WDR59: variants seen among roughly 807,000 people sequenced by gnomAD.
WDR59 encodes GATOR2 complex protein WDR59.
A neutral mutation model predicts 131.2 loss-of-function variants in WDR59; 100 were observed. The ratio of observed to expected loss-of-function variants is 0.76; its 90% CI spans 0.65 to 0.90. The LOEUF (loss-of-function observed/expected upper bound fraction) is 0.90. WDR59 is among the 40% of genes least tolerant of loss of function. The pLI is 0.00. For synonymous variants in WDR59, 601 were observed against 466.2 expected, an observed-to-expected ratio of 1.29 and a Z score of -3.72; for missense variants, 1,203 against 1,262.2, an observed-to-expected ratio of 0.95 and a Z score of 0.71.
In WDR59 at chr16:74,875,380, G is replaced by A. The variant is rs531683063; in HGVS notation, c.2690-936C>T. On this transcript the variant is annotated intron_variant, in intron 25 of 25. Transcript: ENST00000262144. ...CAGTGGGTGGGGACTGTGTCCCATC[G>A]CTGCCTCCAGACTGACCTTTCTGCT... Among the ~76,000 whole-genome samples, 78 of 152,072 alleles carry A rather than the reference G, an allele frequency of 5.1e-4. 1 individual carries two copies. The South Asian group carries it at 5.8e-3, about 11-fold the overall frequency.
rs529911974 is a variant in WDR59, at chr16:74,943,530, G to C, written c.446-704C>G. Among the ~76,000 whole-genome samples, 9 of 152,290 alleles carry C rather than the reference G, an allele frequency of 5.9e-5. No homozygotes were observed. In the South Asian group the frequency reaches 1.9e-3, roughly 32 times the overall value. ...CTACTTAAGACAGGAGGCATAATGT[G>C]AGATGCCAGAAAGAGCTGAGACATG... On this transcript the variant is annotated intron_variant, in intron 6 of 25. Coordinates refer to ENST00000262144, the MANE Select transcript of WDR59 (RefSeq NM_030581.4).
chr16:74,983,365 C>A (rs1181332375), intron 1 of WDR59, among the ~76,000 whole-genome samples: 1 of 151,798 alleles, frequency 6.6e-6, no homozygotes, highest in Non-Finnish European at 1.5e-5. Flanking sequence ...CCCAGCTACT[C>A]GGGAGGCTGA....
intron 8 of WDR59, 30 bp from the exon 9 acceptor site, chr16:74,924,033 A>T (rs367986209): frequency 1.2e-6 from 2 of 1,602,538 alleles, no homozygotes; most frequent in African/African-American, 2.7e-5. Context: ...ATCATTTGTG[A>T]AATAAATGCC....
chr16:74,913,714 A>G (rs1372061906), intron 13 of WDR59, among the ~76,000 whole-genome samples: 3 of 152,210 alleles, frequency 2.0e-5, no homozygotes, highest in South Asian at 2.1e-4. Flanking sequence ...CTCAACTTAA[A>G]AAGTGCTCCT....
intron 2 of WDR59, among the ~76,000 whole-genome samples, chr16:74,957,394 C>A (rs115008842): frequency 0.016 from 2,487 of 152,122 alleles, 54 homozygotes; most frequent in African/African-American, 0.057. Context: ...TTGAATATCT[C>A]TGTATGCTTC....
chr16:74,956,718 A>C, intron 2 of WDR59, 108 bp from the exon 3 acceptor site: 1 of 1,371,244 alleles, frequency 7.3e-7, no homozygotes, highest in Non-Finnish European at 1.0e-6. Context: ...GTGCTCCAAA[A>C]AACCCAAACA....
chr16:74,920,210 C>T (rs995328739), intron 10 of WDR59, among the ~76,000 whole-genome samples: 2 of 152,100 alleles, frequency 1.3e-5, no homozygotes, highest in Admixed American at 6.5e-5. Context: ...TTTATGATGG[C>T]GTGAAACTGT....
At chr16:74,888,664 T>C (rs572360174) in intron 21 of WDR59, among the ~76,000 whole-genome samples, 8 of 152,212 alleles carry the variant, frequency 5.3e-5, no homozygotes, top group Non-Finnish European at 8.8e-5. Flanking sequence ...ATACATGCTC[T>C]GTCTTCCCAG....
At chr16:74,927,292 G>A (rs1364525663) in intron 8 of WDR59, among the ~76,000 whole-genome samples, 5 of 152,164 alleles carry the variant, frequency 3.3e-5, no homozygotes, top group South Asian at 2.1e-4. Context: ...GAAAACTCAA[G>A]AATTTCTAGG....
At chr16:74,974,175 A>C (rs2034095993) in intron 1 of WDR59, among the ~76,000 whole-genome samples, 1 of 151,920 alleles carries the variant, frequency 6.6e-6, no homozygotes, top group African/African-American at 2.4e-5. Context: ...TCTCAAAAAC[A>C]AAGAAAAAAA....
Position 74,908,909 on chromosome 16 carries a change from T to C in WDR59, c.1711A>G (p.Arg571Gly). The C allele has an allele frequency of 6.2e-7, 1 of 1,613,912 alleles. No homozygotes were observed. The highest frequency in any genetic ancestry group is 8.5e-7 in the Non-Finnish European group (1 of 1,179,870). ...GGCTTCTGCATCTCCCTGACTCACCTCGGAGTAGGCTCTGTGGGAGACACC... is the reference window on the plus strand; with the variant it reads ...GGCTTCTGCATCTCCCTGACTCACCCCGGAGTAGGCTCTGTGGGAGACACC... ...RAVSPTEPTP[R>G]SLSALSAYHT... Residue 571 changes from arginine (R) to glycine (G), a missense_variant and splice_region_variant, in exon 17 of 26, where the codon AGA becomes GGA. Transcript: ENST00000262144.
At chr16:74,922,188 C>A (rs1275531430) in intron 9 of WDR59, 85 bp from the exon 10 acceptor site, 31 of 1,537,586 alleles carry the variant, frequency 2.0e-5, no homozygotes, top group Non-Finnish European at 2.6e-5. Flanking sequence ...TGGAATTCTT[C>A]CTAAGTAAAA....
At position 74,949,756 on chromosome 16, in the gene WDR59, G is replaced by T. The variant is rs1453207409; in HGVS notation, c.369C>A (p.Thr123=). ...WAVFEPDLLV[T]SSVDTYIYIW... ...TGTAGATGTAGGTGTCCACAGAGCT[G>T]GTAACCAGGAGGTCAGGCTCAAACA... Residue 123 remains threonine (T), a synonymous_variant, in exon 5 of 26, where the codon ACC becomes ACA. Transcript: ENST00000262144. 6.2e-7 allele frequency: 1 copy of T among 1,613,888 alleles called. No individual in the cohort carries two copies. The highest frequency in any genetic ancestry group is 8.5e-7 in the Non-Finnish European group (1 of 1,179,908).
intron 20 of WDR59, 66 bp downstream of exon 20, chr16:74,892,418 G>T: frequency 1.5e-6 from 2 of 1,321,516 alleles, no homozygotes; most frequent in South Asian, 1.2e-5. Context: ...AAATGCCAAT[G>T]ACAAAGTAAA....
At chr16:74,951,434 G>T in intron 4 of WDR59, 24 bp downstream of exon 4, 1 of 1,576,792 alleles carries the variant, frequency 6.3e-7, no homozygotes, top group Middle Eastern at 1.7e-4. Flanking sequence ...GACAGCCAAA[G>T]AGCTGTGGAG....
chr16:74,979,424 C>A (rs1395522694), intron 1 of WDR59, among the ~76,000 whole-genome samples: 2 of 151,200 alleles, frequency 1.3e-5, no homozygotes, highest in African/African-American at 4.9e-5. Flanking sequence ...CAAGATCGAG[C>A]CACTGCACTC....
chr16:74,968,377 C>T (rs1264338528), intron 1 of WDR59, among the ~76,000 whole-genome samples: 1 of 152,112 alleles, frequency 6.6e-6, no homozygotes, highest in East Asian at 1.9e-4. Context: ...GAGAGTGCCT[C>T]GACTTCTGAC....
chr16:74,972,884 C>A (rs2034044090), intron 1 of WDR59, among the ~76,000 whole-genome samples: 1 of 142,400 alleles, frequency 7.0e-6, no homozygotes, highest in South Asian at 2.3e-4. Flanking sequence ...AACTGAAAAC[C>A]ACTGATTATT....
At chr16:74,964,316 T>G (rs1462273290) in intron 2 of WDR59, among the ~76,000 whole-genome samples, 1 of 148,562 alleles carries the variant, frequency 6.7e-6, no homozygotes, top group African/African-American at 2.5e-5. Flanking sequence ...AAGGCGGAGG[T>G]TGCAGTGAGC....
Sources: allele counts gnomAD v4.1 joint callset (sites outside exome capture counted in the v4.1 genomes callset), GRCh38; gene constraint gnomAD v4.1.1; transcripts MANE v1.5; gene names NCBI Gene and HGNC (gene_info 2026-07-23, HGNC 2026-07-21).